GFPT1: variants seen among roughly 807,000 people sequenced by gnomAD.
GFPT1 encodes glutamine--fructose-6-phosphate aminotransferase [isomerizing] 1.
Under a neutral mutation model 92.0 loss-of-function variants are expected in GFPT1, and 40 were observed. The observed-to-expected ratio is 0.43, with a 90% confidence interval of 0.34 to 0.57. The LOEUF (loss-of-function observed/expected upper bound fraction) is 0.57, where lower values mean the gene tolerates loss of function less well. GFPT1 is among the 20% of genes least tolerant of loss of function. The pLI, the probability that GFPT1 is intolerant of heterozygous loss-of-function variation, is 0.02. For missense variants in GFPT1, 448 were observed against 869.1 expected, an observed-to-expected ratio of 0.52 and a Z score of 6.09; for synonymous variants, 269 against 280.6, an observed-to-expected ratio of 0.96 and a Z score of 0.41.
rs1671701168 is a variant in GFPT1 at position 69,369,895 on chromosome 2, T to A, written c.223+106A>T. ...CTTCAATGTTACAGACCATTATCAT[T>A]AAAATTGGTCCCAAAATATGGGGGG... On this transcript the variant is annotated intron_variant, in intron 3 of 19. Coordinates refer to ENST00000357308, the MANE Select transcript of GFPT1 (RefSeq NM_001244710.2). 3.0e-5 allele frequency: 23 copies of A among 763,866 alleles called. No individual in the cohort carries two copies. The East Asian group carries it at 5.3e-4, about 18-fold the overall frequency. 47.3% of individuals were successfully genotyped at this position (763,866 alleles called of 1,614,324 possible). A position where few individuals can be genotyped will look rare whatever the true frequency, so the allele number is the denominator to read the frequency against.
chr2:69,363,343 A>G (rs1009980693), intron 4 of GFPT1, among the ~76,000 whole-genome samples: 7 of 151,970 alleles, frequency 4.6e-5, no homozygotes, highest in Admixed American at 1.3e-4. Flanking sequence ...GACTCAAGCA[A>G]TCCTCCCAAC....
At chr2:69,365,695 C>T (rs1671593971) in intron 3 of GFPT1, among the ~76,000 whole-genome samples, 1 of 152,156 alleles carries the variant, frequency 6.6e-6, no homozygotes, top group African/African-American at 2.4e-5. Context: ...TCTATTCTTT[C>T]CTGGCTTAAC....
intron 6 of GFPT1, 112 bp downstream of exon 6, chr2:69,358,217 A>C: frequency 1.1e-6 from 1 of 884,446 alleles, no homozygotes; most frequent in Non-Finnish European, 1.8e-6. Context: ...TATATGAGAA[A>C]TAAAAGCCAA....
At position 69,377,475 on chromosome 2, in the gene GFPT1, C is replaced by T. The variant is rs537913030; in HGVS notation, c.8-3362G>A. Among the ~76,000 whole-genome samples, 4 of 141,804 alleles carry T rather than the reference C, an allele frequency of 2.8e-5. No individual in the cohort carries two copies. The South Asian group carries it at 9.1e-4, about 32-fold the overall frequency. 93.0% of individuals were successfully genotyped at this position (141,804 alleles called of 152,430 possible). A position where few individuals can be genotyped will look rare whatever the true frequency, so the allele number is the denominator to read the frequency against. ...ACCAGCCTAACCAACATGGTGAAAC[C>T]CCGTCTCTACTAAAAATAAAAATAA... On this transcript the variant is annotated intron_variant, in intron 1 of 19. Transcript: ENST00000357308.
chr2:69,340,500 C>T (rs1403796209), intron 13 of GFPT1, among the ~76,000 whole-genome samples: 3 of 152,028 alleles, frequency 2.0e-5, no homozygotes, highest in Non-Finnish European at 2.9e-5. Context: ...ATCACTGGAA[C>T]GTTAAGCATG....
chr2:69,374,582 G>A (rs1314200848), intron 1 of GFPT1, among the ~76,000 whole-genome samples: 1 of 152,144 alleles, frequency 6.6e-6, no homozygotes, highest in Non-Finnish European at 1.5e-5. Flanking sequence ...CAAAGTGCTA[G>A]GATTACAGGT....
intron 13 of GFPT1, among the ~76,000 whole-genome samples, chr2:69,340,209 C>T (rs4428054): frequency 0.66 from 96,010 of 145,844 alleles, 32,556 homozygotes; most frequent in African/African-American, 0.85. Flanking sequence ...TGGAGTGTAG[C>T]AGCTATTCAG....
intron 18 of GFPT1, 84 bp from the exon 19 acceptor site, chr2:69,327,159 T>G (rs1670551517): frequency 8.7e-7 from 1 of 1,153,974 alleles, no homozygotes; most frequent in South Asian, 1.2e-5. Context: ...AAAATTGCAC[T>G]GCATAATCCA....
rs1289476351 is a variant in GFPT1, at chr2:69,324,127, G to GA, written c.*2061dup. 2 of 152,152 alleles carry GA rather than the reference G, an allele frequency of 1.3e-5. No individual in the cohort carries two copies. The highest frequency in any genetic ancestry group is 6.6e-5 in the Admixed American group (1 of 15,266). The allele number at this position is 152,152 out of a possible 1,614,324, so 9.4% of individuals were successfully genotyped here. ...CCGGCAGAGAATCCATGTTTGTTTGGAAAATATCACTTCTTTGTTCTTGAT... is the reference window on the plus strand; with the variant it reads ...CCGGCAGAGAATCCATGTTTGTTTGGAAAAATATCACTTCTTTGTTCTTGAT... On this transcript the variant is annotated 3_prime_UTR_variant, in exon 20 of 20. Transcript: ENST00000357308.
intron 15 of GFPT1, among the ~76,000 whole-genome samples, chr2:69,330,198 G>T (rs985819360): frequency 2.6e-5 from 4 of 152,070 alleles, no homozygotes; most frequent in Non-Finnish European, 5.9e-5. Context: ...GTGAGACCCT[G>T]TCTCCAAAAA....
intron 5 of GFPT1, 133 bp from the exon 6 acceptor site, chr2:69,358,596 T>C: frequency 1.4e-6 from 1 of 693,422 alleles, no homozygotes; most frequent in South Asian, 1.7e-5. Context: ...TTATTCAAAA[T>C]TAAAGTCACC....
Position 69,354,398 on chromosome 2 carries a change from A to G in GFPT1, c.686-86T>C. On this transcript the variant is annotated intron_variant, in intron 8 of 19. Transcript: ENST00000357308. ...TTCATGTCTAGACAGAACTATATAT[A>G]CATGTGCATCTGACCAAAGAGCCAT... 10 of 1,289,678 alleles carry G rather than the reference A, an allele frequency of 7.8e-6. No individual in the cohort carries two copies. In the South Asian group the frequency reaches 1.2e-4, roughly 15 times the overall value. 79.9% of individuals were successfully genotyped at this position (1,289,678 alleles called of 1,614,324 possible). A position where few individuals can be genotyped will look rare whatever the true frequency, so the allele number is the denominator to read the frequency against.
chr2:69,367,127 C>A (rs576510002), intron 3 of GFPT1, among the ~76,000 whole-genome samples: 2 of 152,242 alleles, frequency 1.3e-5, no homozygotes, highest in East Asian at 3.9e-4. Context: ...TCACTTACTC[C>A]TCAGAAGATT....
chr2:69,381,349 C>T (rs901404525), intron 1 of GFPT1, among the ~76,000 whole-genome samples: 2 of 152,082 alleles, frequency 1.3e-5, no homozygotes, highest in Non-Finnish European at 2.9e-5. Flanking sequence ...ATATGCTGTC[C>T]GGGCTGGTAT....
intron 11 of GFPT1, among the ~76,000 whole-genome samples, chr2:69,347,800 T>C (rs1272401236): frequency 6.6e-6 from 1 of 152,142 alleles, no homozygotes; most frequent in African/African-American, 2.4e-5. Context: ...AGCTTCTTAA[T>C]CCTCAAAACA....
chr2:69,377,260 T>G (rs1043193316), intron 1 of GFPT1, among the ~76,000 whole-genome samples: 5 of 151,388 alleles, frequency 3.3e-5, no homozygotes, highest in Non-Finnish European at 5.9e-5. Context: ...TTCACTGTTT[T>G]TAATAATGTA....
In GFPT1 at chr2:69,346,019, ATAAT is replaced by A. The variant is rs1272709847; in HGVS notation, c.1010-24_1010-21del. On this transcript the variant is annotated intron_variant, in intron 11 of 19. Transcript: ENST00000357308. ...AGTTGCCTATAGTAATAGAAATCAC[ATAAT>A]TAAAACAAAAACAAATCAAATAAAA... 1 of 1,288,048 alleles carries A rather than the reference ATAAT, an allele frequency of 7.8e-7. No individual in the cohort carries two copies. The highest frequency in any genetic ancestry group is 1.1e-6 in the Non-Finnish European group (1 of 882,496). 79.8% of individuals were successfully genotyped at this position (1,288,048 alleles called of 1,614,324 possible).
At chr2:69,376,929 G>T (rs1423090722) in intron 1 of GFPT1, among the ~76,000 whole-genome samples, 1 of 151,982 alleles carries the variant, frequency 6.6e-6, no homozygotes, top group South Asian at 2.1e-4. Context: ...GATTAATGCG[G>T]CAGGGCTGGG....
chr2:69,352,216 T>C (rs1023163977), intron 9 of GFPT1, among the ~76,000 whole-genome samples: 1 of 152,044 alleles, frequency 6.6e-6, no homozygotes, highest in Non-Finnish European at 1.5e-5. Flanking sequence ...TGAGGTGAGA[T>C]TGTGCCATTG....
Sources: allele counts gnomAD v4.1 joint callset (sites outside exome capture counted in the v4.1 genomes callset), GRCh38; gene constraint gnomAD v4.1.1; transcripts MANE v1.5; gene names NCBI Gene and HGNC (gene_info 2026-07-23, HGNC 2026-07-21).